The following ASIC2 variants were observed in gnomAD, a reference collection of about 807,000 sequenced individuals.
ASIC2 encodes the protein acid-sensing ion channel 2.
Under a neutral mutation model 57.3 loss-of-function variants are expected in ASIC2, and 25 were observed. That is an observed-to-expected ratio of 0.44 (90% confidence interval 0.32 to 0.61). ASIC2 has a LOEUF of 0.61. ASIC2 is among the 20% of genes least tolerant of loss of function. ASIC2 has a pLI of 0.06. For synonymous variants in ASIC2, 319 were observed against 307.5 expected, an observed-to-expected ratio of 1.04 and a Z score of -0.39; for missense variants, 641 against 738.1, an observed-to-expected ratio of 0.87 and a Z score of 1.52.
chr17:33,303,985 A>G (rs1906068204), intron 1 of ASIC2, among the ~76,000 whole-genome samples: 1 of 152,252 alleles, frequency 6.6e-6, no homozygotes, highest in Non-Finnish European at 1.5e-5. Context: ...GGGTTCCCCA[A>G]GGAAATAACC....
intron 1 of ASIC2, among the ~76,000 whole-genome samples, chr17:33,164,346 T>G (rs1905244341): frequency 6.6e-6 from 1 of 152,226 alleles, no homozygotes; most frequent in South Asian, 2.1e-4. Context: ...GATGAATTGC[T>G]GTTTTCCTGA....
At chr17:33,798,956 A>G (rs918820801) in intron 1 of ASIC2, among the ~76,000 whole-genome samples, 1 of 152,132 alleles carries the variant, frequency 6.6e-6, no homozygotes, top group African/African-American at 2.4e-5. Flanking sequence ...GGGAGCTGGG[A>G]CTGCGAAGTC....
intron 1 of ASIC2, among the ~76,000 whole-genome samples, chr17:33,613,185 T>C (rs976693826): frequency 6.6e-6 from 1 of 152,142 alleles, no homozygotes; most frequent in Non-Finnish European, 1.5e-5. Flanking sequence ...ATTTCCCGGA[T>C]AACCCCTGCT....
intron 1 of ASIC2, chr17:33,565,749 T>G (rs1916214605): frequency 6.6e-6 from 1 of 152,258 alleles, no homozygotes; most frequent in Admixed American, 6.5e-5. Flanking sequence ...ACCTCTCCTC[T>G]CTTCTAAGAG....
At position 33,032,445 on chromosome 17, in the gene ASIC2, T is replaced by TTG. The variant is rs1443796776; in HGVS notation, c.988-4054_988-4053insCA. Among the ~76,000 whole-genome samples, 10 of 55,778 alleles carry TTG rather than the reference T, an allele frequency of 1.8e-4. No individual in the cohort carries two copies. The East Asian group carries it at 7.2e-3, about 40-fold the overall frequency. The allele number at this position is 55,778 out of a possible 152,430, so 36.6% of individuals were successfully genotyped here. A position where few individuals can be genotyped will look rare whatever the true frequency, so the allele number is the denominator to read the frequency against. On this transcript the variant is annotated intron_variant, in intron 3 of 9. Transcript: ENST00000225823. ...TATAAGCACTATAATACACTGTTTTTTTTTTTTTTTTTTTTTTTTTTGAGA... is the reference window on the plus strand; with the variant it reads ...TATAAGCACTATAATACACTGTTTTTTGTTTTTTTTTTTTTTTTTTTTTGAGA...
At chr17:33,949,033 G>A (rs1904473761) in intron 1 of ASIC2, among the ~76,000 whole-genome samples, 1 of 152,056 alleles carries the variant, frequency 6.6e-6, no homozygotes, top group Non-Finnish European at 1.5e-5. Context: ...CTTTATAAAT[G>A]GACATCTACA....
chr17:33,599,819 G>A lies in ASIC2; in HGVS notation c.556-487752C>T, dbSNP rs145256923. ...CTGATTGCATCCTTGCTCCTCTGGG[G>A]AGGGTTGGTGAGCTCTACCACCCTT... On this transcript the variant is annotated intron_variant, in intron 1 of 9. Coordinates refer to the ASIC2 transcript ENST00000359872. 2.5e-3 allele frequency among the ~76,000 whole-genome samples: 388 copies of A among 152,272 alleles called. 9 individuals are homozygous for A. The highest frequency in any genetic ancestry group is 0.022 in the Admixed American group (336 of 15,294).
chr17:33,966,497 A>C (rs560338528), intron 1 of ASIC2, among the ~76,000 whole-genome samples: 2 of 152,244 alleles, frequency 1.3e-5, no homozygotes, highest in African/African-American at 4.8e-5. Context: ...GAACCGCCAT[A>C]AAAACTGGTA....
intron 1 of ASIC2, among the ~76,000 whole-genome samples, chr17:33,960,130 G>A (rs1567769594): frequency 6.6e-6 from 1 of 152,180 alleles, no homozygotes; most frequent in South Asian, 2.1e-4. Context: ...TCAATGACAA[G>A]GCTCTTAATG....
intron 1 of ASIC2, among the ~76,000 whole-genome samples, chr17:33,967,423 C>A (rs559406276): frequency 1.3e-5 from 2 of 152,120 alleles, no homozygotes; most frequent in Non-Finnish European, 2.9e-5. Flanking sequence ...TTTTGAAAGA[C>A]GTGGTTTCTC....
chr17:33,690,209 A>G (rs1263903937), intron 1 of ASIC2, among the ~76,000 whole-genome samples: 1 of 152,204 alleles, frequency 6.6e-6, no homozygotes, highest in Non-Finnish European at 1.5e-5. Flanking sequence ...TTATTGTGTA[A>G]AAAGCCACTC....
rs541449987 is a variant in ASIC2, at chr17:33,307,879, A to G, written c.556-195812T>C. Among the ~76,000 whole-genome samples, 218 of 152,354 alleles carry G rather than the reference A, an allele frequency of 1.4e-3. 2 individuals are homozygous for G. The highest frequency in any genetic ancestry group is 1.9e-3 in the South Asian group (9 of 4,830). Reference sequence around the variant, plus strand: ...GACATATAGTAAGTATTCAGTAAATATTTGTTGAATAATAAATGGTGGTTG... The same window carrying G: ...GACATATAGTAAGTATTCAGTAAATGTTTGTTGAATAATAAATGGTGGTTG... On this transcript the variant is annotated intron_variant, in intron 1 of 9. Coordinates refer to the ASIC2 transcript ENST00000359872.
intron 1 of ASIC2, among the ~76,000 whole-genome samples, chr17:33,749,529 C>T (rs1006452942): frequency 6.6e-6 from 1 of 152,000 alleles, no homozygotes; most frequent in Non-Finnish European, 1.5e-5. Context: ...TCTTAGTGGT[C>T]CCAACCTTAG....
intron 1 of ASIC2, among the ~76,000 whole-genome samples, chr17:33,862,972 C>T (rs1230597621): frequency 2.0e-5 from 3 of 152,122 alleles, no homozygotes; most frequent in Admixed American, 6.5e-5. Flanking sequence ...CACATGACAT[C>T]ACTGCAGCTC....
intron 1 of ASIC2, among the ~76,000 whole-genome samples, chr17:33,169,208 C>T (rs984977941): frequency 6.6e-6 from 1 of 152,144 alleles, no homozygotes; most frequent in East Asian, 1.9e-4. Flanking sequence ...TTGGTAGTGT[C>T]CATACGGTGT....
At chr17:33,932,103 C>G (rs1191474180) in intron 1 of ASIC2, among the ~76,000 whole-genome samples, 2 of 152,136 alleles carry the variant, frequency 1.3e-5, no homozygotes, top group Non-Finnish European at 2.9e-5. Context: ...TCCAACGCCA[C>G]CTTCCCAGGG....
chr17:33,475,180 G>C (rs1913179352), intron 1 of ASIC2, among the ~76,000 whole-genome samples: 1 of 151,978 alleles, frequency 6.6e-6, no homozygotes, highest in Non-Finnish European at 1.5e-5. Flanking sequence ...CCTTCGAAAA[G>C]TCATAACCTA....
rs558774735 is a variant in ASIC2, at chr17:33,380,363, C to T, written c.556-268296G>A. Among the ~76,000 whole-genome samples the T allele has an allele frequency of 1.4e-4, 21 of 151,762 alleles. No individual in the cohort carries two copies. In the South Asian group the frequency reaches 1.7e-3, roughly 12 times the overall value. ...CATGATGATGATGATGATCATGATG[C>T]GTAAACATTGATTAAGTGCCTACTG... On this transcript the variant is annotated intron_variant, in intron 1 of 9. Coordinates refer to the ASIC2 transcript ENST00000359872.
chr17:33,826,604 T>C (rs1323094364), intron 1 of ASIC2, among the ~76,000 whole-genome samples: 1 of 152,160 alleles, frequency 6.6e-6, no homozygotes, highest in Non-Finnish European at 1.5e-5. Context: ...TTTCCCAGTG[T>C]TTCAGAGCTA....
Sources: gnomAD v4.1 joint callset for allele counts (sites outside exome capture counted in the v4.1 genomes callset) on GRCh38, gnomAD v4.1.1 for gene constraint, MANE v1.5 for transcripts, NCBI Gene and HGNC (gene_info 2026-07-23, HGNC 2026-07-21) for gene names.